Variants in TBATA observed in about 807,000 individuals in gnomAD.
TBATA encodes the protein protein TBATA.
A neutral mutation model predicts 38.7 loss-of-function variants in TBATA; 47 were observed. The observed-to-expected ratio is 1.21, with a 90% CI of 0.96 to 1.55. TBATA has a LOEUF of 1.55. Among genes scored for constraint, TBATA ranks in the 40% most tolerant of loss-of-function variants. The probability of loss-of-function intolerance (pLI) is 0.00; values close to 1 mark genes in which losing one functional copy is unlikely to be tolerated. For missense variants in TBATA, 436 were observed against 435.6 expected (o/e 1.00, Z -0.01); for synonymous variants, 183 against 170.5 (o/e 1.07, Z -0.57).
intron 3 of TBATA, 73 bp from the exon 4 acceptor site, chr10:70,782,109 G>A (rs1474030319): frequency 2.7e-6 from 4 of 1,500,384 alleles, no homozygotes; most frequent in Non-Finnish European, 3.6e-6. Context: ...TCAGAGCTCA[G>A]TGCTTGTTAC....
chr10:70,774,070 G>A, intron 9 of TBATA, 143 bp downstream of exon 9: 6 of 1,142,104 alleles, frequency 5.3e-6, no homozygotes, highest in Non-Finnish European at 7.3e-6. Context: ...AAGGTCCCTG[G>A]GGGAGGGGCT....
chr10:70,784,948 ATATTTTTACCC>A (rs1018498808), intron 1 of TBATA, among the ~76,000 whole-genome samples, 175 bp from the exon 2 acceptor site: 6 of 152,206 alleles, frequency 3.9e-5, no homozygotes, highest in African/African-American at 1.4e-4. Context: ...ATGCACACTG[ATATTTTTACCC>A]TATTTTTGGT....
At chr10:70,778,808 TG>T (rs1211251354) in intron 5 of TBATA, 172 bp from the exon 6 acceptor site, 5 of 628,926 alleles carry the variant, frequency 8.0e-6, no homozygotes, top group Middle Eastern at 3.7e-4. Context: ...ATTCACACCA[TG>T]GGTGGTGGTT....
intron 5 of TBATA, 160 bp from the exon 6 acceptor site, chr10:70,778,796 G>T: frequency 2.8e-6 from 2 of 718,146 alleles, no homozygotes; most frequent in Admixed American, 4.0e-5. Flanking sequence ...AGAAGGATCT[G>T]GATTCACACC....
At chr10:70,782,383 A>G (rs1431582967) in intron 3 of TBATA, 2 of 1,332,634 alleles carry the variant, frequency 1.5e-6, no homozygotes, top group Non-Finnish European at 2.0e-6. Flanking sequence ...GATGGAGCAA[A>G]GTCACCTTAT....
At chr10:70,777,022 C>T (rs1237409772) in intron 7 of TBATA, 131 bp downstream of exon 7, 3 of 982,078 alleles carry the variant, frequency 3.1e-6, no homozygotes, top group South Asian at 3.9e-5. Context: ...CTGCTGACTC[C>T]ACAGGGCTGG....
intron 6 of TBATA, among the ~76,000 whole-genome samples, chr10:70,778,191 GC>G (rs1440215821): frequency 1.4e-4 from 21 of 152,104 alleles, no homozygotes; most frequent in Non-Finnish European, 2.9e-5. Context: ...CTCCCCACAT[GC>G]AAAGTCTGCC....
rs369105931 is a variant in TBATA at position 70,783,398 on chromosome 10, C to G, written c.-19G>C. ...TAGCCATTGTATGCTTTTTAACAGA[C>G]TAAAGGCCAGTGCACTTAATACTAG... is the stretch of plus-strand genomic sequence containing the variant. On this transcript the variant is annotated 5_prime_UTR_variant, in exon 3 of 11. Coordinates refer to ENST00000456372, the MANE Select transcript of TBATA (RefSeq NM_001318241.2). The G allele has an allele frequency of 3.3e-5, 53 of 1,613,902 alleles. No individual in the cohort carries two copies. The highest frequency in any genetic ancestry group is 4.2e-5 in the Non-Finnish European group (50 of 1,179,906).
chr10:70,776,630 C>T (rs1265376625), intron 7 of TBATA, among the ~76,000 whole-genome samples: 2 of 152,210 alleles, frequency 1.3e-5, no homozygotes, highest in Non-Finnish European at 1.5e-5. Context: ...GGAGGACATC[C>T]GTGCATTTTC....
chr10:70,777,344 A>G lies in TBATA; in HGVS notation c.508-6T>C, dbSNP rs1843548412. 1 of 1,610,914 alleles carries G rather than the reference A, an allele frequency of 6.2e-7. No individual in the cohort carries two copies. The highest frequency in any genetic ancestry group is 1.3e-5 in the African/African-American group (1 of 74,838). ...TCCTCCTTCTGCTCCTTCTGCTGGG[A>G]CAAAAGTGGCCAGAGACTCCAGGCA... On this transcript the variant is annotated splice_polypyrimidine_tract_variant and splice_region_variant and intron_variant, in intron 6 of 10. Transcript: ENST00000456372.
chr10:70,780,297 G>C (rs1844012344), intron 4 of TBATA, among the ~76,000 whole-genome samples: 1 of 151,976 alleles, frequency 6.6e-6, no homozygotes, highest in African/African-American at 2.4e-5. Context: ...GCTAACCCTG[G>C]GTGATTATTA....
intron 2 of TBATA, 135 bp downstream of exon 2, chr10:70,784,512 A>C (rs1012438066): frequency 2.6e-4 from 40 of 152,296 alleles, no homozygotes; most frequent in Admixed American, 2.2e-3. Flanking sequence ...CAGAATCTGC[A>C]AGGGACCCCA....
Position 70,781,893 on chromosome 10 carries a change from T to G in TBATA, c.185A>C (p.Gln62Pro), listed in dbSNP as rs1232464301. ...TCCAAAGCAGTAGGTGCCAGGGGTT[T>G]GGGGCTTTGGGGTCCTCAATGCCCG... is the stretch of plus-strand genomic sequence containing the variant. ...IRRALRTPKPQTPGTYCFGRL... is the reference protein window; with the variant it reads ...IRRALRTPKPPTPGTYCFGRL... Residue 62 changes from glutamine (Q) to proline (P), a missense_variant, in exon 4 of 11, where the codon CAA (glutamine) becomes CCA (proline). Physicochemically the swap from Gln to Pro is moderately conservative, Grantham distance 76. Coordinates refer to ENST00000456372, the MANE Select transcript of TBATA (RefSeq NM_001318241.2). 6.2e-7 allele frequency: 1 copy of G among 1,614,178 alleles called. No homozygotes were observed. The highest frequency in any genetic ancestry group is 1.1e-5 in the South Asian group (1 of 91,082).
At chr10:70,772,684 A>G in intron 9 of TBATA, 118 bp from the exon 10 acceptor site, 1 of 1,075,752 alleles carries the variant, frequency 9.3e-7, no homozygotes, top group Non-Finnish European at 1.4e-6. Flanking sequence ...TGTCTGCTCC[A>G]GGGAGAGGCA....
rs1262545261 is a variant in TBATA, at chr10:70,782,361, C to T, written c.42-325G>A. ...AGAAGCTGCAGACCCACCTACTCAT[C>T]AAAATACCCAGGATGGAGCAAAGTC... On this transcript the variant is annotated intron_variant, in intron 3 of 10. Coordinates refer to ENST00000456372, the MANE Select transcript of TBATA (RefSeq NM_001318241.2). The T allele has an allele frequency of 2.9e-6, 4 of 1,370,228 alleles. No individual in the cohort carries two copies. The South Asian group carries it at 3.7e-5, about 13-fold the overall frequency. 84.9% of individuals were successfully genotyped at this position (1,370,228 alleles called of 1,614,324 possible). A position where few individuals can be genotyped will look rare whatever the true frequency, so the allele number is the denominator to read the frequency against.
chr10:70,783,931 T>C (rs1168964126), intron 2 of TBATA, among the ~76,000 whole-genome samples: 2 of 152,256 alleles, frequency 1.3e-5, no homozygotes, highest in Non-Finnish European at 2.9e-5. Flanking sequence ...TAGAACAAGA[T>C]ATATGCATTT....
At position 70,778,580 on chromosome 10, in the gene TBATA, C is replaced by G; in HGVS notation, c.484G>C (p.Glu162Gln). 1.2e-6 allele frequency: 2 copies of G among 1,614,160 alleles called. No homozygotes were observed. ...LASRVAFLTKEDELKKKEQKE... is the reference protein window; with the variant it reads ...LASRVAFLTKQDELKKKEQKE... ...ACCTCTTTCTTCTTCAGTTCATCCT[C>G]CTTGGTGAGGAAGGCCACCCGGGAA... The change falls in exon 6 of 11, where the codon GAG becomes CAG. Residue 162 changes from glutamate to glutamine, a missense_variant. Transcript: ENST00000456372.
At chr10:70,771,563 C>G in intron 10 of TBATA, 102 bp from the exon 11 acceptor site, 1 of 1,086,108 alleles carries the variant, frequency 9.2e-7, no homozygotes, top group Non-Finnish European at 1.3e-6. Flanking sequence ...AGGTCTGAGT[C>G]AAGCCCAGCT....
chr10:70,772,936 A>G (rs1457831699), intron 9 of TBATA, among the ~76,000 whole-genome samples: 1 of 152,192 alleles, frequency 6.6e-6, no homozygotes, highest in Non-Finnish European at 1.5e-5. Context: ...TGAGTGGGCA[A>G]GACAAGAACC....
Sources: gnomAD v4.1 joint callset for allele counts (sites outside exome capture counted in the v4.1 genomes callset) on GRCh38, gnomAD v4.1.1 for gene constraint, MANE v1.5 for transcripts, NCBI Gene and HGNC (gene_info 2026-07-23, HGNC 2026-07-21) for gene names.